ZFAT: variants seen among roughly 807,000 people sequenced by gnomAD.
The protein encoded by ZFAT is zinc finger and AT-hook domain containing.
Under a neutral mutation model 117.7 loss-of-function variants are expected in ZFAT, and 64 were observed. The ratio of observed to expected loss-of-function variants is 0.54; its 90% confidence interval spans 0.44 to 0.67. The LOEUF is 0.67. Ranked by LOEUF, ZFAT falls within the 30% of genes least tolerant of loss-of-function variation. The probability of loss-of-function intolerance (pLI) is 0.00; values close to 1 mark genes in which losing one functional copy is unlikely to be tolerated. For synonymous variants in ZFAT, 679 were observed against 615.0 expected, an observed-to-expected ratio of 1.10 and a Z score of -1.54; for missense variants, 1,433 against 1,584.5, an observed-to-expected ratio of 0.90 and a Z score of 1.62.
At chr8:134,572,698 C>T (rs11997945) in intron 10 of ZFAT, among the ~76,000 whole-genome samples, 1 of 152,058 alleles carries the variant, frequency 6.6e-6, no homozygotes, top group Non-Finnish European at 1.5e-5. Flanking sequence ...CTGAGCCACA[C>T]CTTGTAAATA....
chr8:134,674,114 G>A (rs1351564113), intron 1 of ZFAT, among the ~76,000 whole-genome samples: 3 of 152,152 alleles, frequency 2.0e-5, no homozygotes. Flanking sequence ...GTACCCCAGA[G>A]GGCAAGCCAA....
the ZFAT span, among the ~76,000 whole-genome samples, chr8:134,722,329 C>A: frequency 6.6e-6 from 1 of 152,122 alleles, no homozygotes; most frequent in African/African-American, 2.4e-5. Flanking sequence ...TAAGGGGAGG[C>A]AAGAGTATAA....
chr8:134,809,848 C>T, the ZFAT span, among the ~76,000 whole-genome samples: 249 of 152,150 alleles, frequency 1.6e-3, 2 homozygotes, highest in African/African-American at 5.7e-3. Context: ...TAATTGAAAC[C>T]GACAGTGAGT....
chr8:134,787,647 T>C, the ZFAT span, among the ~76,000 whole-genome samples: 2 of 152,102 alleles, frequency 1.3e-5, no homozygotes, highest in Admixed American at 6.6e-5. Context: ...ATTGCTCAAG[T>C]TTATCTTGGA....
chr8:134,494,066 T>C (rs1317427236), intron 15 of ZFAT, among the ~76,000 whole-genome samples: 2 of 152,150 alleles, frequency 1.3e-5, no homozygotes, highest in Non-Finnish European at 2.9e-5. Context: ...TGAATCTCTA[T>C]TTGATTTAGT....
intron 3 of ZFAT, among the ~76,000 whole-genome samples, chr8:134,628,361 G>A (rs1398757137): frequency 1.3e-5 from 2 of 152,172 alleles, no homozygotes; most frequent in East Asian, 1.9e-4. Flanking sequence ...GTGGGAGAGG[G>A]TAAGAAGTCA....
intron 12 of ZFAT, among the ~76,000 whole-genome samples, chr8:134,521,833 C>G (rs748661816): frequency 5.9e-5 from 9 of 152,220 alleles, no homozygotes; most frequent in Non-Finnish European, 1.2e-4. Context: ...GATGCTGGCA[C>G]CACCGGGCCG....
chr8:134,520,923 C>A lies in ZFAT; in HGVS notation c.3194G>T (p.Gly1065Val), dbSNP rs1396650566. ...EFNRHLKNKH[G>V]LKVVEIDGDP... The stretch of plus-strand genomic sequence containing the variant: ...TCCATCAATTTCCACCACCTTCAAG[C>A]CATGTTTGTTCTTCAAGTGCCTATT... Residue 1065 changes from glycine (G) to valine (V), a missense_variant, in exon 13 of 16, where the codon GGC becomes GTC. Physicochemically the swap from Gly to Val is moderately radical, Grantham distance 109. This residue lies in a region of ZFAT where 503 missense variants were observed against 543.4 expected (regional missense o/e 0.93). Transcript: ENST00000377838. 3.7e-6 allele frequency: 6 copies of A among 1,613,884 alleles called. No individual in the cohort carries two copies. In the South Asian group the frequency reaches 6.6e-5, roughly 18 times the overall value.
chr8:134,747,712 T>A, the ZFAT span, among the ~76,000 whole-genome samples: 2 of 152,342 alleles, frequency 1.3e-5, no homozygotes, highest in Non-Finnish European at 2.9e-5. Context: ...CTAGGCCACT[T>A]GTTTTTCTTT....
Position 134,601,845 on chromosome 8 carries a change from T to C in ZFAT, c.1874A>G (p.Gln625Arg), listed in dbSNP as rs372467416. ...PPDMQHRSSV[Q>R]TQGEVITLLL... ...TAGTGTGATCACTTCACCTTGCGTC[T>C]GGACTGAGCTTCTGTGCTGCATGTC... Residue 625 changes from glutamine (Q) to arginine (R), a missense_variant, in exon 6 of 16, where the codon CAG becomes CGG. Coordinates refer to ENST00000377838, the MANE Select transcript of ZFAT (RefSeq NM_020863.4). 9.9e-6 allele frequency: 16 copies of C among 1,612,530 alleles called. No individual in the cohort carries two copies. The highest frequency in any genetic ancestry group is 1.7e-5 in the Admixed American group (1 of 59,918).
At chr8:134,533,116 C>G in intron 11 of ZFAT, 144 bp from the exon 12 acceptor site, 2 of 1,302,604 alleles carry the variant, frequency 1.5e-6, no homozygotes, top group South Asian at 3.0e-5. Flanking sequence ...GGGAAAACCA[C>G]TAGGGCAGGA....
intron 7 of ZFAT, among the ~76,000 whole-genome samples, chr8:134,594,069 C>T (rs1360085299): frequency 1.3e-5 from 2 of 152,206 alleles, no homozygotes; most frequent in Non-Finnish European, 2.9e-5. Context: ...GTTTTCCTTT[C>T]CACTGGAAAT....
intron 1 of ZFAT, among the ~76,000 whole-genome samples, chr8:134,710,739 A>G (rs1222629193): frequency 2.0e-5 from 3 of 152,244 alleles, no homozygotes; most frequent in Non-Finnish European, 2.9e-5. Flanking sequence ...GTAATTTTAC[A>G]ATATTTTTAA....
chr8:134,485,177 T>A (rs1416755987), intron 15 of ZFAT, among the ~76,000 whole-genome samples: 2 of 152,148 alleles, frequency 1.3e-5, no homozygotes, highest in Non-Finnish European at 2.9e-5. Flanking sequence ...CAAGCTGCCC[T>A]GGGGGGCTCT....
At chr8:134,737,313 AAT>A in the ZFAT span, among the ~76,000 whole-genome samples, 217 of 55,096 alleles carry the variant, frequency 3.9e-3, no homozygotes, top group African/African-American at 0.016. Context: ...AAAATAAAAA[AAT>A]AAAAATGTAG....
intron 3 of ZFAT, among the ~76,000 whole-genome samples, chr8:134,634,517 C>T (rs559967332): frequency 2.0e-5 from 3 of 150,586 alleles, no homozygotes; most frequent in Non-Finnish European, 4.4e-5. Flanking sequence ...CACTTTCCAA[C>T]CCAGCAATCT....
At chr8:134,670,160 G>T (rs145930200) in intron 1 of ZFAT, among the ~76,000 whole-genome samples, 2,406 of 152,216 alleles carry the variant, frequency 0.016, 65 homozygotes, top group African/African-American at 0.055. Flanking sequence ...ATGGGAGACT[G>T]TAACACCCCA....
intron 3 of ZFAT, among the ~76,000 whole-genome samples, chr8:134,630,112 C>A (rs1829783941): frequency 6.6e-6 from 1 of 152,200 alleles, no homozygotes; most frequent in South Asian, 2.1e-4. Flanking sequence ...GGGACAGTGA[C>A]ATGATAGGCA....
chr8:134,763,418 T>A, the ZFAT span, among the ~76,000 whole-genome samples: 6 of 152,298 alleles, frequency 3.9e-5, no homozygotes, highest in South Asian at 2.1e-4. Flanking sequence ...TTTAGAATGG[T>A]TGCTCCCTCA....
Sources: gnomAD v4.1 joint callset for allele counts (sites outside exome capture counted in the v4.1 genomes callset) on GRCh38, gnomAD v4.1.1 for gene constraint, gnomAD v4.1.1 regional missense constraint, MANE v1.5 for transcripts, NCBI Gene and HGNC (gene_info 2026-07-23, HGNC 2026-07-21) for gene names.